The following TMEM232 variants were observed in gnomAD, a reference collection of about 807,000 sequenced individuals.
TMEM232 encodes transmembrane protein 232.
In TMEM232, 80 loss-of-function variants were observed where a neutral mutation model predicts 78.8. That is an observed-to-expected ratio of 1.01 (90% confidence interval 0.85 to 1.22). The LOEUF is 1.22. TMEM232 is among the 50% of genes most tolerant of loss of function. TMEM232 has a pLI of 0.00. For synonymous variants in TMEM232, 297 were observed against 254.3 expected (o/e 1.17, Z -1.60); for missense variants, 881 against 742.2 (o/e 1.19, Z -2.17).
intron 7 of TMEM232, among the ~76,000 whole-genome samples, chr5:110,622,828 T>C (rs1336402939): frequency 1.5e-5 from 2 of 136,698 alleles, no homozygotes; most frequent in Non-Finnish European, 3.1e-5. Flanking sequence ...AACATCACAC[T>C]CTGGGGAATG....
At chr5:110,535,110 G>C (rs548401362) in intron 11 of TMEM232, among the ~76,000 whole-genome samples, 1 of 152,154 alleles carries the variant, frequency 6.6e-6, no homozygotes, top group Non-Finnish European at 1.5e-5. Context: ...AATATAAGAA[G>C]ATAGGAATGT....
At chr5:110,510,829 C>T (rs760172011) in intron 12 of TMEM232, among the ~76,000 whole-genome samples, 1 of 152,156 alleles carries the variant, frequency 6.6e-6, no homozygotes, top group Non-Finnish European at 1.5e-5. Flanking sequence ...AATAGGAACA[C>T]TTTTACACTG....
chr5:110,567,064 T>G (rs1776426284), intron 11 of TMEM232, among the ~76,000 whole-genome samples: 1 of 151,734 alleles, frequency 6.6e-6, no homozygotes, highest in Non-Finnish European at 1.5e-5. Context: ...ACTTATTTAC[T>G]ATTATGAGAA....
chr5:110,545,121 T>C (rs1174397336), intron 11 of TMEM232, among the ~76,000 whole-genome samples: 1 of 152,124 alleles, frequency 6.6e-6, no homozygotes, highest in Non-Finnish European at 1.5e-5. Context: ...CTCTAGCACA[T>C]GGAAGTGTTT....
chr5:110,485,754 T>C (rs1764391411), intron 12 of TMEM232, among the ~76,000 whole-genome samples: 2 of 152,150 alleles, frequency 1.3e-5, no homozygotes, highest in African/African-American at 4.8e-5. Context: ...AATTTTGCAA[T>C]TTGAATTGTG....
intron 2 of TMEM232, among the ~76,000 whole-genome samples, chr5:110,649,996 T>A (rs574589330): frequency 2.6e-5 from 4 of 152,072 alleles, no homozygotes; most frequent in Non-Finnish European, 5.9e-5. Flanking sequence ...ATGAGTTGCT[T>A]TGAAAGTTAA....
chr5:110,689,103 A>G (rs747750814), intron 1 of TMEM232, among the ~76,000 whole-genome samples: 12 of 152,118 alleles, frequency 7.9e-5, no homozygotes, highest in Non-Finnish European at 1.2e-4. Context: ...TCTTCAGAGA[A>G]AGGCATAGAC....
chr5:110,638,423 ACT>A, intron 4 of TMEM232, 68 bp from the exon 5 acceptor site: 1 of 1,394,738 alleles, frequency 7.2e-7, no homozygotes, highest in South Asian at 1.5e-5. Flanking sequence ...TGCTATAATT[ACT>A]TTTTGTAATT....
chr5:110,604,949 T>C (rs749018592), intron 10 of TMEM232, among the ~76,000 whole-genome samples, 160 bp downstream of exon 10: 4 of 152,082 alleles, frequency 2.6e-5, no homozygotes, highest in Non-Finnish European at 4.4e-5. Context: ...GAGTGACACC[T>C]GGCCTCAAAA....
chr5:110,458,103 C>A (rs1039887263), intron 12 of TMEM232, among the ~76,000 whole-genome samples: 25 of 151,878 alleles, frequency 1.6e-4, no homozygotes, highest in Admixed American at 9.8e-4. Context: ...TGTTCATTAA[C>A]TACATGAACA....
intron 12 of TMEM232, among the ~76,000 whole-genome samples, chr5:110,432,660 G>C (rs1160017820): frequency 6.6e-6 from 1 of 151,614 alleles, no homozygotes; most frequent in Non-Finnish European, 1.5e-5. Flanking sequence ...TAGCCTAAAT[G>C]CTCCACTTAC....
In TMEM232 at chr5:110,701,718, C is replaced by T. The variant is rs140265442; in HGVS notation, c.-13+24909G>A. 1.4e-4 allele frequency among the ~76,000 whole-genome samples: 21 copies of T among 152,058 alleles called. No individual in the cohort carries two copies. The East Asian group carries it at 3.1e-3, about 22-fold the overall frequency. On this transcript the variant is annotated intron_variant, in intron 1 of 13. Transcript: ENST00000455884. ...TTATGCCTCAAGTTATACCAAAAGT[C>T]CAACTTATCTTTTGTAAATATTAAG...
intron 12 of TMEM232, among the ~76,000 whole-genome samples, chr5:110,464,889 A>G (rs544832449): frequency 3.3e-4 from 50 of 152,308 alleles, no homozygotes; most frequent in African/African-American, 1.1e-3. Flanking sequence ...ATAGTTCACT[A>G]AACTGCATAC....
intron 12 of TMEM232, among the ~76,000 whole-genome samples, chr5:110,479,546 A>G (rs1366893404): frequency 6.6e-6 from 1 of 151,882 alleles, no homozygotes. Context: ...TGTATTATAA[A>G]GTATATATCA....
chr5:110,508,367 C>T (rs1016479914), intron 12 of TMEM232, among the ~76,000 whole-genome samples: 5 of 150,996 alleles, frequency 3.3e-5, no homozygotes, highest in Non-Finnish European at 7.4e-5. Flanking sequence ...CTTTAAAAAA[C>T]GAGGTAGGAA....
chr5:110,413,185 A>G (rs958740240), intron 2 of TMEM232, among the ~76,000 whole-genome samples: 18 of 152,144 alleles, frequency 1.2e-4, no homozygotes, highest in Non-Finnish European at 2.1e-4. Flanking sequence ...GAAAAAAAGC[A>G]GGCAGAGGAA....
intron 1 of TMEM232, among the ~76,000 whole-genome samples, chr5:110,680,313 C>G (rs1431716224): frequency 6.8e-6 from 1 of 147,236 alleles, no homozygotes; most frequent in Admixed American, 6.9e-5. Context: ...ATGAGAATCA[C>G]TTGAACCCGG....
intron 11 of TMEM232, among the ~76,000 whole-genome samples, chr5:110,541,667 A>C (rs1247735448): frequency 2.0e-5 from 3 of 151,544 alleles, no homozygotes; most frequent in African/African-American, 7.4e-5. Flanking sequence ...CATTGTCAGG[A>C]AACATAAAAA....
intron 12 of TMEM232, among the ~76,000 whole-genome samples, chr5:110,472,228 G>C (rs1482859643): frequency 6.6e-6 from 1 of 151,684 alleles, no homozygotes; most frequent in Non-Finnish European, 1.5e-5. Context: ...ATAAAAAATT[G>C]GTAGCATTTT....
Sources: gnomAD v4.1 joint callset for allele counts (sites outside exome capture counted in the v4.1 genomes callset) on GRCh38, gnomAD v4.1.1 for gene constraint, MANE v1.5 for transcripts, NCBI Gene and HGNC (gene_info 2026-07-23, HGNC 2026-07-21) for gene names.